DCP1A: variants seen among roughly 807,000 people sequenced by gnomAD.
DCP1A encodes the protein mRNA-decapping enzyme 1A.
DCP1A carries 20 observed loss-of-function variants against 58.0 expected under a neutral mutation model. The observed-to-expected ratio is 0.34, with a 90% CI of 0.24 to 0.50. The LOEUF (loss-of-function observed/expected upper bound fraction) is 0.50. Ranked by LOEUF, DCP1A falls within the 20% of genes least tolerant of loss-of-function variation. The pLI is 0.98. For synonymous variants in DCP1A, 285 were observed against 275.1 expected, an observed-to-expected ratio of 1.04 and a Z score of -0.36; for missense variants, 613 against 712.2, an observed-to-expected ratio of 0.86 and a Z score of 1.59.
At chr3:53,325,646 C>T (rs1553690510) in intron 3 of DCP1A, among the ~76,000 whole-genome samples, 1 of 152,108 alleles carries the variant, frequency 6.6e-6, no homozygotes, top group African/African-American at 2.4e-5. Context: ...TAAGTCAGGC[C>T]TGGCAAGTGA....
At chr3:53,312,457 C>A in intron 4 of DCP1A, 78 bp from the exon 5 acceptor site, 1 of 1,279,732 alleles carries the variant, frequency 7.8e-7, no homozygotes, top group South Asian at 1.6e-5. Flanking sequence ...TGTTCATCTT[C>A]CAAGGATACA....
At chr3:53,328,206 C>G (rs1217140280) in intron 3 of DCP1A, among the ~76,000 whole-genome samples, 9 of 152,048 alleles carry the variant, frequency 5.9e-5, no homozygotes, top group Admixed American at 5.9e-4. Context: ...CTGCCTGGAT[C>G]CTCCAGCACA....
intron 6 of DCP1A, among the ~76,000 whole-genome samples, chr3:53,299,957 T>G (rs556821859): frequency 1.3e-4 from 20 of 152,258 alleles, no homozygotes; most frequent in African/African-American, 4.6e-4. Context: ...AACCTCCCCC[T>G]CCTGGGTTCA....
intron 3 of DCP1A, among the ~76,000 whole-genome samples, chr3:53,330,674 C>T (rs1553691167): frequency 1.3e-5 from 2 of 151,836 alleles, no homozygotes; most frequent in South Asian, 2.1e-4. Context: ...TCTTTATAAG[C>T]GCACAGTAGT....
At chr3:53,290,100 G>C (rs1706799091) in intron 8 of DCP1A, among the ~76,000 whole-genome samples, 1 of 151,904 alleles carries the variant, frequency 6.6e-6, no homozygotes, top group Non-Finnish European at 1.5e-5. Flanking sequence ...ACTCAAGGAG[G>C]GTACAAAGGC....
intron 6 of DCP1A, 23 bp downstream of exon 6, chr3:53,304,154 G>T: frequency 1.3e-6 from 2 of 1,546,816 alleles, no homozygotes; most frequent in Non-Finnish European, 1.8e-6. Context: ...TTAGGACAAA[G>T]CTAGAGCTTT....
chr3:53,290,926 T>C lies in DCP1A; in HGVS notation c.1384-70A>G, dbSNP rs180812564. 1.9e-4 allele frequency: 264 copies of C among 1,353,914 alleles called. No homozygotes were observed. In the African/African-American group the frequency reaches 2.8e-3, roughly 15 times the overall value. 83.9% of individuals were successfully genotyped at this position (1,353,914 alleles called of 1,614,324 possible). Reference sequence around the variant, plus strand: ...AATTAAGAAGACTTCCTAGTCTTAATTGAAAAAGACTTTCCCAGTGGAAAA... The same window carrying C: ...AATTAAGAAGACTTCCTAGTCTTAACTGAAAAAGACTTTCCCAGTGGAAAA... On this transcript the variant is annotated intron_variant, in intron 7 of 9. Transcript: ENST00000610213.
intron 3 of DCP1A, among the ~76,000 whole-genome samples, chr3:53,326,834 A>G (rs2106866575): frequency 6.6e-6 from 1 of 152,304 alleles, no homozygotes; most frequent in East Asian, 1.9e-4. Context: ...AATAAATGTA[A>G]TGTGTTTGAA....
chr3:53,340,174 C>T (rs187965664), intron 3 of DCP1A, among the ~76,000 whole-genome samples: 2 of 152,302 alleles, frequency 1.3e-5, no homozygotes, highest in Non-Finnish European at 2.9e-5. Flanking sequence ...ATCTGCTTGC[C>T]TCGGTCTCCC....
chr3:53,316,692 G>A (rs1010321194), intron 4 of DCP1A, among the ~76,000 whole-genome samples: 4 of 136,950 alleles, frequency 2.9e-5, no homozygotes, highest in African/African-American at 5.5e-5. Flanking sequence ...AATCCTCCCC[G>A]CCTTGACCTC....
intron 1 of DCP1A, among the ~76,000 whole-genome samples, chr3:53,346,691 G>A (rs2089295836): frequency 6.6e-6 from 1 of 152,138 alleles, no homozygotes; most frequent in South Asian, 2.1e-4. Context: ...CTGAGTCCGA[G>A]GGGAGCATTC....
At chr3:53,317,312 T>C (rs782180385) in intron 4 of DCP1A, among the ~76,000 whole-genome samples, 1 of 152,164 alleles carries the variant, frequency 6.6e-6, no homozygotes, top group Non-Finnish European at 1.5e-5. Context: ...ATTACAGGCA[T>C]GCACCACCAT....
intron 5 of DCP1A, among the ~76,000 whole-genome samples, chr3:53,311,953 TA>T (rs398038702): frequency 1.0e-3 from 153 of 145,934 alleles, no homozygotes; most frequent in Non-Finnish European, 9.7e-4. Flanking sequence ...ACATCTGTTT[TA>T]AAAAAAAAAA....
intron 3 of DCP1A, chr3:53,337,990 T>G (rs1407607012): frequency 1.1e-5 from 3 of 279,710 alleles, no homozygotes; most frequent in Non-Finnish European, 2.3e-5. Context: ...CTCTAGAATA[T>G]GGATTGATGA....
intron 3 of DCP1A, among the ~76,000 whole-genome samples, chr3:53,334,087 C>A (rs782207296): frequency 6.6e-6 from 1 of 151,956 alleles, no homozygotes; most frequent in Admixed American, 6.6e-5. Flanking sequence ...TATAGAGAGA[C>A]CTTGTCTCTA....
At chr3:53,341,013 C>T (rs1452585261) in intron 3 of DCP1A, among the ~76,000 whole-genome samples, 1 of 152,152 alleles carries the variant, frequency 6.6e-6, no homozygotes, top group Non-Finnish European at 1.5e-5. Flanking sequence ...AGCACCACAG[C>T]TCTTGGCTCA....
At position 53,304,321 on chromosome 3, in the gene DCP1A, T is replaced by C. The variant is rs782373068; in HGVS notation, c.511-31A>G. On this transcript the variant is annotated intron_variant, in intron 5 of 9. Coordinates refer to ENST00000610213, the MANE Select transcript of DCP1A (RefSeq NM_018403.7). ...AAAAGTTAAAAGAAAAAAATATATC[T>C]TGTGAAAAAAATTTGCTATTATTTG... The C allele has an allele frequency of 7.2e-6, 11 of 1,536,700 alleles. No homozygotes were observed. In the African/African-American group the frequency reaches 1.4e-4, roughly 19 times the overall value.
rs139962670 is a variant in DCP1A at position 53,298,337 on chromosome 3, ACT to A, written c.625-5512_625-5511del. ...TTCTCTATGCTGCCTCCCTATAACT[ACT>A]GCGAGGCCAGACAGATTCTCTAACT... is the stretch of plus-strand genomic sequence containing the variant. On this transcript the variant is annotated intron_variant, in intron 6 of 9. Coordinates refer to ENST00000610213, the MANE Select transcript of DCP1A (RefSeq NM_018403.7). Among the ~76,000 whole-genome samples the A allele has an allele frequency of 1.2e-3, 181 of 152,308 alleles. 1 individual carries two copies. Among genetic ancestry groups the A allele is most frequent in the African/African-American group, 4.1e-3 (169 of 41,564 alleles).
At chr3:53,310,190 CAT>C (rs1251167840) in intron 5 of DCP1A, among the ~76,000 whole-genome samples, 5 of 152,198 alleles carry the variant, frequency 3.3e-5, no homozygotes, top group African/African-American at 9.6e-5. Context: ...TTAATCTACC[CAT>C]AGACGATATT....
Sources: allele counts gnomAD v4.1 joint callset (sites outside exome capture counted in the v4.1 genomes callset), GRCh38; gene constraint gnomAD v4.1.1; transcripts MANE v1.5; gene names NCBI Gene and HGNC (gene_info 2026-07-23, HGNC 2026-07-21).